Variants in RIN3 observed in about 807,000 individuals in gnomAD.
RIN3 encodes the protein RAB5 interacting protein 3.
A neutral mutation model predicts 76.3 loss-of-function variants in RIN3; 54 were observed. That is an observed-to-expected ratio of 0.71 (90% CI 0.57 to 0.89). The LOEUF (loss-of-function observed/expected upper bound fraction) is 0.89, where lower values mean the gene tolerates loss of function less well. Ranked by LOEUF, RIN3 falls within the 40% of genes least tolerant of loss-of-function variation. RIN3 has a pLI of 0.00. For missense variants in RIN3, 1,256 were observed against 1,322.1 expected (o/e 0.95, Z 0.78); for synonymous variants, 576 against 564.0 (o/e 1.02, Z -0.30).
At chr14:92,635,901 C>T (rs1300350274) in intron 4 of RIN3, among the ~76,000 whole-genome samples, 1 of 152,082 alleles carries the variant, frequency 6.6e-6, no homozygotes, top group Non-Finnish European at 1.5e-5. Context: ...ATGATGTGCT[C>T]AATTCGTTCT....
chr14:92,577,721 A>C (rs1236800836), intron 3 of RIN3, among the ~76,000 whole-genome samples: 1 of 152,230 alleles, frequency 6.6e-6, no homozygotes, highest in African/African-American at 2.4e-5. Flanking sequence ...TCTCATGGCC[A>C]CATTGAAGTT....
At chr14:92,591,053 A>G (rs1340664337) in intron 3 of RIN3, among the ~76,000 whole-genome samples, 1 of 152,202 alleles carries the variant, frequency 6.6e-6, no homozygotes, top group Non-Finnish European at 1.5e-5. Flanking sequence ...TAAAGCAACT[A>G]TGATTAAGGT....
intron 7 of RIN3, among the ~76,000 whole-genome samples, chr14:92,669,613 C>T (rs1246655367): frequency 6.6e-6 from 1 of 151,964 alleles, no homozygotes; most frequent in African/African-American, 2.4e-5. Flanking sequence ...CAGTAAGAGC[C>T]CAGTCAACAA....
At chr14:92,592,490 A>G (rs1885015077) in intron 3 of RIN3, among the ~76,000 whole-genome samples, 1 of 151,582 alleles carries the variant, frequency 6.6e-6, no homozygotes, top group African/African-American at 2.4e-5. Context: ...ATCAGTAGGT[A>G]CTTGAGTCTC....
At chr14:92,542,387 G>A (rs1251118511) in intron 1 of RIN3, among the ~76,000 whole-genome samples, 2 of 152,094 alleles carry the variant, frequency 1.3e-5, no homozygotes, top group African/African-American at 4.8e-5. Context: ...AACCAATAGG[G>A]TGGCTGTAAT....
At chr14:92,595,087 G>A (rs1213014270) in intron 3 of RIN3, among the ~76,000 whole-genome samples, 1 of 152,210 alleles carries the variant, frequency 6.6e-6, no homozygotes, top group African/African-American at 2.4e-5. Flanking sequence ...TAGGTAACTA[G>A]CATCTACTGA....
chr14:92,651,441 AACAACC>A, intron 5 of RIN3, 135 bp from the exon 6 acceptor site: 1 of 405,614 alleles, frequency 2.5e-6, no homozygotes, highest in South Asian at 2.6e-5. Flanking sequence ...AAGAGGGGAA[AACAACC>A]TCAACCTCGG....
Position 92,688,773 on chromosome 14 carries a change from C to T in RIN3, c.*521C>T, listed in dbSNP as rs1017453764. The T allele has an allele frequency of 6.4e-6, 1 of 156,214 alleles. No homozygotes were observed. The highest frequency in any genetic ancestry group is 1.4e-5 in the Non-Finnish European group (1 of 70,734). 9.7% of individuals were successfully genotyped at this position (156,214 alleles called of 1,614,324 possible). ...CTCCACCCCTGCACCAGAGCCTGCT[C>T]TTAGCTCCCGGTGCCCCCAGACCCC... On this transcript the variant is annotated 3_prime_UTR_variant, in exon 10 of 10. Coordinates refer to ENST00000216487, the MANE Select transcript of RIN3 (RefSeq NM_024832.5).
intron 5 of RIN3, among the ~76,000 whole-genome samples, chr14:92,645,523 C>T (rs1887164289): frequency 6.6e-6 from 1 of 152,206 alleles, no homozygotes; most frequent in Non-Finnish European, 1.5e-5. Context: ...ACATATGCTA[C>T]AGTTCCATTT....
intron 2 of RIN3, among the ~76,000 whole-genome samples, chr14:92,558,238 A>G (rs1048302752): frequency 1.3e-5 from 2 of 152,134 alleles, no homozygotes; most frequent in Non-Finnish European, 2.9e-5. Context: ...AATCCCAGCT[A>G]TTCGGGAGGC....
rs1433055896 is a variant in RIN3, at chr14:92,659,288, G to A, written c.2154G>A (p.Val718=). 3.1e-6 allele frequency: 5 copies of A among 1,613,956 alleles called. 1 individual carries two copies. In the South Asian group the frequency reaches 4.4e-5, roughly 14 times the overall value. ...AGCAGCTCAAGGAGAACCAGTTAGT[G>A]ATCCTGGCCACCACCACCACTGACC... The part of the protein sequence containing the change: ...SLQQLKENQL[V]ILATTTTDLG... The change falls in exon 7 of 10, where the codon GTG becomes GTA. Residue 718 remains valine, a synonymous_variant. Coordinates refer to ENST00000216487, the MANE Select transcript of RIN3 (RefSeq NM_024832.5).
chr14:92,605,285 C>T (rs940579993), intron 3 of RIN3, among the ~76,000 whole-genome samples: 1 of 152,106 alleles, frequency 6.6e-6, no homozygotes, highest in African/African-American at 2.4e-5. Context: ...ATGAAAAATG[C>T]CCTAGTCAAA....
At chr14:92,573,803 G>A (rs1275884070) in intron 2 of RIN3, among the ~76,000 whole-genome samples, 1 of 152,170 alleles carries the variant, frequency 6.6e-6, no homozygotes, top group Non-Finnish European at 1.5e-5. Context: ...GCTCCACCTT[G>A]AACCTCCATA....
intron 3 of RIN3, among the ~76,000 whole-genome samples, chr14:92,580,307 A>G (rs897303208): frequency 1.3e-5 from 2 of 152,254 alleles, no homozygotes; most frequent in African/African-American, 4.8e-5. Flanking sequence ...CAGAGGTTGC[A>G]GTGAGCTGAG....
At chr14:92,580,619 A>G (rs770797318) in intron 3 of RIN3, among the ~76,000 whole-genome samples, 1 of 152,234 alleles carries the variant, frequency 6.6e-6, no homozygotes, top group Non-Finnish European at 1.5e-5. Flanking sequence ...CTGGTTTCCC[A>G]CTCACAGGCA....
At chr14:92,549,818 C>G (rs890295583) in intron 1 of RIN3, among the ~76,000 whole-genome samples, 17 of 152,242 alleles carry the variant, frequency 1.1e-4, no homozygotes, top group African/African-American at 4.1e-4. Flanking sequence ...GCTCATTGCT[C>G]TATTCCCCAT....
intron 7 of RIN3, among the ~76,000 whole-genome samples, chr14:92,662,590 C>T (rs1267660532): frequency 6.6e-6 from 1 of 152,208 alleles, no homozygotes; most frequent in Non-Finnish European, 1.5e-5. Flanking sequence ...CACTTAGTCA[C>T]AATAGCTGTT....
At chr14:92,662,953 G>C (rs1371209060) in intron 7 of RIN3, among the ~76,000 whole-genome samples, 1 of 151,978 alleles carries the variant, frequency 6.6e-6, no homozygotes, top group Non-Finnish European at 1.5e-5. Flanking sequence ...TGGGACTACA[G>C]GTATGTGCCA....
intron 3 of RIN3, among the ~76,000 whole-genome samples, chr14:92,582,029 C>T (rs915877271): frequency 1.3e-5 from 2 of 152,178 alleles, no homozygotes; most frequent in Admixed American, 1.3e-4. Flanking sequence ...CAGATATTGA[C>T]AGTGATCAGA....
Sources: gnomAD v4.1 joint callset for allele counts (sites outside exome capture counted in the v4.1 genomes callset) on GRCh38, gnomAD v4.1.1 for gene constraint, MANE v1.5 for transcripts, NCBI Gene and HGNC (gene_info 2026-07-23, HGNC 2026-07-21) for gene names.